The following SRGAP2 variants were observed in gnomAD, a reference collection of about 807,000 sequenced individuals.
SRGAP2 encodes SLIT-ROBO Rho GTPase-activating protein 2.
SRGAP2 carries 15 observed loss-of-function variants against 57.2 expected under a neutral mutation model. That is an observed-to-expected ratio of 0.26 (90% confidence interval 0.18 to 0.40). The LOEUF (loss-of-function observed/expected upper bound fraction) is 0.40, where lower values mean the gene tolerates loss of function less well. Ranked by LOEUF, SRGAP2 falls within the 10% of genes least tolerant of loss-of-function variation. SRGAP2 has a pLI of 1.00. For missense variants in SRGAP2, 520 were observed against 669.6 expected (o/e 0.78, Z 2.47); for synonymous variants, 249 against 248.0 (o/e 1.00, Z -0.04).
At chr1:206,347,883 T>C (rs1282427845) in intron 4 of SRGAP2, among the ~76,000 whole-genome samples, 1 of 151,460 alleles carries the variant, frequency 6.6e-6, no homozygotes, top group African/African-American at 2.4e-5. Flanking sequence ...AAGTTGGGAA[T>C]GAAATAGGGC....
At chr1:206,247,334 TG>T (rs1668555502) in intron 2 of SRGAP2, among the ~76,000 whole-genome samples, 1 of 151,182 alleles carries the variant, frequency 6.6e-6, no homozygotes, top group Non-Finnish European at 1.5e-5. Flanking sequence ...TATGTGAGAA[TG>T]GATTCACATC....
chr1:206,341,207 T>G (rs1553335104), intron 3 of SRGAP2, among the ~76,000 whole-genome samples: 1 of 152,244 alleles, frequency 6.6e-6, no homozygotes, highest in African/African-American at 2.4e-5. Flanking sequence ...AAATCACAAG[T>G]GCCTGGCCTT....
intron 2 of SRGAP2, among the ~76,000 whole-genome samples, chr1:206,256,348 A>G (rs1305435057): frequency 6.6e-6 from 1 of 152,196 alleles, no homozygotes; most frequent in Admixed American, 6.5e-5. Flanking sequence ...CTGTTCACAT[A>G]CCCATCAGGC....
Position 206,450,607 on chromosome 1 carries a change from C to CCTT in SRGAP2, c.2179+143_2179+144insTTC, listed in dbSNP as rs1663185007. The CCTT allele has an allele frequency of 4.0e-4, 242 of 609,962 alleles. 1 individual carries two copies. The highest frequency in any genetic ancestry group is 3.7e-3 in the African/African-American group (198 of 54,144). 37.8% of individuals were successfully genotyped at this position (609,962 alleles called of 1,614,324 possible). On this transcript the variant is annotated intron_variant, in intron 19 of 22. Transcript: ENST00000573034. Reference sequence around the variant, plus strand: ...GAGAGCTCCCTGTCTCAATTTCATTCCCTTCCTTCCTTGGAGAGGTAGCCC... The same window carrying CCTT: ...GAGAGCTCCCTGTCTCAATTTCATTCCTTCCTTCCTTCCTTGGAGAGGTAGCCC...
At chr1:206,421,012 A>G (rs926690482) in intron 12 of SRGAP2, among the ~76,000 whole-genome samples, 28 of 152,046 alleles carry the variant, frequency 1.8e-4, no homozygotes, top group African/African-American at 6.7e-4. Context: ...TGCTTTTGTG[A>G]AAAAAAAGAG....
chr1:206,398,720 T>C (rs1553354524), intron 7 of SRGAP2, among the ~76,000 whole-genome samples: 1 of 152,108 alleles, frequency 6.6e-6, no homozygotes, highest in African/African-American at 2.4e-5. Context: ...TGGGGTGATA[T>C]GACATGGCAA....
intron 3 of SRGAP2, among the ~76,000 whole-genome samples, chr1:206,323,421 A>G (rs1673619100): frequency 1.3e-5 from 2 of 150,016 alleles, no homozygotes; most frequent in South Asian, 4.2e-4. Flanking sequence ...GAACAAACCA[A>G]CCATTTTCCC....
At chr1:206,339,067 A>T (rs1486451549) in intron 3 of SRGAP2, among the ~76,000 whole-genome samples, 1 of 152,008 alleles carries the variant, frequency 6.6e-6, no homozygotes, top group Non-Finnish European at 1.5e-5. Flanking sequence ...TCTGATTAGC[A>T]TAGATAAGTT....
chr1:206,308,289 GT>G (rs1172818692), intron 3 of SRGAP2, among the ~76,000 whole-genome samples: 755 of 25,656 alleles, frequency 0.029, 27 homozygotes, highest in African/African-American at 0.078. Flanking sequence ...ATTAATTGGT[GT>G]TATGTACAAC....
intron 4 of SRGAP2, among the ~76,000 whole-genome samples, chr1:206,355,434 G>T (rs1465789412): frequency 2.0e-5 from 3 of 151,878 alleles, no homozygotes; most frequent in Admixed American, 1.3e-4. Flanking sequence ...TTAGTCTACC[G>T]ATAGTGATGC....
chr1:206,242,124 A>G (rs1168153114), intron 2 of SRGAP2, among the ~76,000 whole-genome samples: 2 of 151,788 alleles, frequency 1.3e-5, no homozygotes, highest in Non-Finnish European at 2.9e-5. Context: ...CATAGTGCCC[A>G]TCTCCTCCCA....
intron 4 of SRGAP2, among the ~76,000 whole-genome samples, chr1:206,363,970 G>A (rs1677096234): frequency 6.6e-6 from 1 of 150,874 alleles, no homozygotes; most frequent in East Asian, 1.9e-4. Flanking sequence ...CTTGTTAACT[G>A]AAACAATCCT....
intron 7 of SRGAP2, among the ~76,000 whole-genome samples, chr1:206,398,313 G>A (rs1553354350): frequency 1.3e-5 from 2 of 151,930 alleles, no homozygotes; most frequent in African/African-American, 4.8e-5. Flanking sequence ...GTTTCTGGCT[G>A]TTTCCCCTAC....
intron 14 of SRGAP2, among the ~76,000 whole-genome samples, chr1:206,431,295 T>C (rs1661259385): frequency 6.6e-6 from 1 of 152,244 alleles, no homozygotes; most frequent in African/African-American, 2.4e-5. Context: ...CTGGGTACCA[T>C]GCATTGCCAT....
chr1:206,433,764 A>G (rs973573060), intron 14 of SRGAP2, among the ~76,000 whole-genome samples: 3 of 152,206 alleles, frequency 2.0e-5, no homozygotes, highest in Non-Finnish European at 4.4e-5. Context: ...GAAGAGAATG[A>G]GGAAGAAAAT....
At chr1:206,421,322 C>T (rs1660285535) in intron 13 of SRGAP2, 48 bp downstream of exon 13, 1 of 754,802 alleles carries the variant, frequency 1.3e-6, no homozygotes, top group African/African-American at 1.7e-5. Context: ...AAATATAGTC[C>T]ATCCCACAGG....
At chr1:206,381,252 T>C (rs1193577464) in intron 4 of SRGAP2, among the ~76,000 whole-genome samples, 1 of 151,866 alleles carries the variant, frequency 6.6e-6, no homozygotes, top group Non-Finnish European at 1.5e-5. Flanking sequence ...GTTATTTAAG[T>C]CATGGGTAAG....
Position 206,461,237 on chromosome 1 carries a change from C to T in SRGAP2, c.3033C>T (p.Ser1011=), listed in dbSNP as rs781896248. 2 of 780,804 alleles carry T rather than the reference C, an allele frequency of 2.6e-6. No homozygotes were observed. Among genetic ancestry groups the T allele is most frequent in the Non-Finnish European group, 4.8e-6 (2 of 417,934 alleles). 48.4% of individuals were successfully genotyped at this position (780,804 alleles called of 1,614,324 possible). A position where few individuals can be genotyped will look rare whatever the true frequency, so the allele number is the denominator to read the frequency against. Residue 1011 remains serine (S), a synonymous_variant, in exon 23 of 23, where the codon AGC becomes AGT. Transcript: ENST00000573034. ...LKDPEPAFQR[S]ASTAGDIACA... ...ACCCCGAGCCCGCCTTCCAGCGCAG[C>T]GCCAGTACTGCTGGGGACATCGCCT...
At chr1:206,256,328 T>G (rs546277969) in intron 2 of SRGAP2, among the ~76,000 whole-genome samples, 2 of 152,346 alleles carry the variant, frequency 1.3e-5, no homozygotes, top group East Asian at 3.9e-4. Context: ...CTGTATTCCC[T>G]AGAAAGACTC....
Sources: gnomAD v4.1 joint callset for allele counts (sites outside exome capture counted in the v4.1 genomes callset) on GRCh38, gnomAD v4.1.1 for gene constraint, MANE v1.5 for transcripts, NCBI Gene and HGNC (gene_info 2026-07-23, HGNC 2026-07-21) for gene names.